The following PHF24 variants were observed in gnomAD, a reference collection of about 807,000 sequenced individuals.
PHF24 encodes Galpha inhibitory interacting protein.
A neutral mutation model predicts 42.6 loss-of-function variants in PHF24; 25 were observed. The observed-to-expected ratio is 0.59, with a 90% confidence interval of 0.43 to 0.82. The LOEUF (loss-of-function observed/expected upper bound fraction) is 0.82. PHF24 is among the 40% of genes least tolerant of loss of function. The pLI is 0.00. For missense variants in PHF24, 470 were observed against 538.1 expected (o/e 0.87, Z 1.25); for synonymous variants, 185 against 204.8 (o/e 0.90, Z 0.83).
the PHF24 span, among the ~76,000 whole-genome samples, chr9:34,936,867 G>A: frequency 3.4e-5 from 5 of 149,148 alleles, no homozygotes; most frequent in Admixed American, 2.0e-4. Flanking sequence ...GAGCCCCTCC[G>A]CCCGGCAGCC....
the PHF24 span, chr9:34,723,434 G>C: frequency 1.3e-6 from 2 of 1,551,606 alleles, no homozygotes; most frequent in Admixed American, 3.9e-5. Flanking sequence ...GCACCCTGTC[G>C]GCTTCTCCGT....
chr9:34,913,805 C>A, the PHF24 span, among the ~76,000 whole-genome samples: 1 of 152,198 alleles, frequency 6.6e-6, no homozygotes, highest in East Asian at 1.9e-4. Flanking sequence ...CACTACGGTA[C>A]ACTCACTCTT....
chr9:34,709,400 C>T, the PHF24 span: 1 of 1,608,154 alleles, frequency 6.2e-7, no homozygotes, highest in Non-Finnish European at 8.5e-7. Flanking sequence ...TGGGCTATGG[C>T]CCTTTAGGGG....
chr9:34,958,688 A>G lies in PHF24; in HGVS notation c.-5+287A>G, dbSNP rs1826481227. Among the ~76,000 whole-genome samples the G allele has an allele frequency of 1.3e-5, 2 of 152,120 alleles. No homozygotes were observed. Among genetic ancestry groups the G allele is most frequent in the Non-Finnish European group, 2.9e-5 (2 of 68,012 alleles). ...CCCCAGCGTGGAGGGGACTGGCCCC[A>G]GAGAGCCCTTCTGTGTCACTGTGGG... On this transcript the variant is annotated intron_variant, in intron 1 of 7. Coordinates refer to ENST00000242315, the Ensembl canonical transcript of PHF24. This position sits in a 1 kb window ranked among gnomAD's most constrained non-coding sequence, Gnocchi z 4.5.
the PHF24 span, among the ~76,000 whole-genome samples, chr9:34,824,907 A>G: frequency 6.6e-6 from 1 of 152,138 alleles, no homozygotes; most frequent in Non-Finnish European, 1.5e-5. Flanking sequence ...CACAGTCACT[A>G]GTATTACCTG....
chr9:34,962,736 A>G (rs1486297853), intron 1 of PHF24, among the ~76,000 whole-genome samples: 3 of 152,244 alleles, frequency 2.0e-5, no homozygotes, highest in South Asian at 2.1e-4. Context: ...TCACCAGCCA[A>G]TCACTGATGG....
At chr9:34,775,611 A>G in the PHF24 span, among the ~76,000 whole-genome samples, 2 of 152,226 alleles carry the variant, frequency 1.3e-5, no homozygotes, top group Admixed American at 6.5e-5. Context: ...AAACTGTACT[A>G]TCTTCTCATT....
chr9:34,934,522 A>C, the PHF24 span, among the ~76,000 whole-genome samples: 1 of 149,222 alleles, frequency 6.7e-6, no homozygotes, highest in Admixed American at 6.7e-5. Context: ...CCTCCTGTGT[A>C]CCCCCAGCCC....
At chr9:34,670,377 C>T in the PHF24 span, among the ~76,000 whole-genome samples, 14 of 152,140 alleles carry the variant, frequency 9.2e-5, no homozygotes, top group Admixed American at 8.5e-4. Flanking sequence ...TTGTTGGGGA[C>T]CTTTCCCTTA....
intron 1 of PHF24, among the ~76,000 whole-genome samples, chr9:34,963,306 T>A (rs1057012977): frequency 6.6e-6 from 1 of 151,118 alleles, no homozygotes; most frequent in Non-Finnish European, 1.5e-5. Context: ...GATGCTGATG[T>A]TCACAGTAAG....
At chr9:34,773,459 A>C in the PHF24 span, among the ~76,000 whole-genome samples, 1 of 152,218 alleles carries the variant, frequency 6.6e-6, no homozygotes, top group Non-Finnish European at 1.5e-5. Context: ...ATGTCAAAGG[A>C]ATTCAGAAGT....
chr9:34,809,275 A>G, the PHF24 span, among the ~76,000 whole-genome samples: 1 of 152,290 alleles, frequency 6.6e-6, no homozygotes, highest in Non-Finnish European at 1.5e-5. The surrounding 1 kb of genome is among the most constrained non-coding windows in gnomAD (Gnocchi z 4.1). Flanking sequence ...AATTTAAATA[A>G]GGTCTTCAGC....
chr9:34,847,228 A>C, the PHF24 span, among the ~76,000 whole-genome samples: 7 of 152,234 alleles, frequency 4.6e-5, no homozygotes, highest in African/African-American at 1.7e-4. Context: ...CTTCCTACCC[A>C]TGAACATGGA....
At chr9:34,886,157 G>A in the PHF24 span, among the ~76,000 whole-genome samples, 4 of 150,362 alleles carry the variant, frequency 2.7e-5, no homozygotes, top group South Asian at 2.1e-4. Context: ...ACACCACAGC[G>A]TTCTTCCAGA....
chr9:34,976,236 G>A lies in PHF24; in HGVS notation c.643+6G>A. On this transcript the variant is annotated splice_donor_region_variant and intron_variant, in intron 4 of 7. Transcript: ENST00000242315. ...GCGGTGTAAAGTCATCCCTGGTAAG[G>A]TTGGGTGGTGCTGCATGGATGGAGA... 1 of 1,612,650 alleles carries A rather than the reference G, an allele frequency of 6.2e-7. No homozygotes were observed. The highest frequency in any genetic ancestry group is 8.5e-7 in the Non-Finnish European group (1 of 1,178,636).
the PHF24 span, among the ~76,000 whole-genome samples, chr9:34,697,398 C>A: frequency 6.6e-6 from 1 of 152,170 alleles, no homozygotes; most frequent in Non-Finnish European, 1.5e-5. Context: ...CTGCTCACTG[C>A]AACCTCCACC....
chr9:34,912,630 T>C, the PHF24 span, among the ~76,000 whole-genome samples: 9 of 152,140 alleles, frequency 5.9e-5, no homozygotes, highest in African/African-American at 1.9e-4. Context: ...CCAAACAGCA[T>C]AGCAAATACT....
At chr9:34,879,862 A>G in the PHF24 span, among the ~76,000 whole-genome samples, 12 of 152,222 alleles carry the variant, frequency 7.9e-5, no homozygotes, top group Admixed American at 7.8e-4. Flanking sequence ...CCACAAAGAT[A>G]CTCCTCGAGA....
At chr9:34,703,179 A>AT in the PHF24 span, among the ~76,000 whole-genome samples, 36 of 150,374 alleles carry the variant, frequency 2.4e-4, no homozygotes, top group Non-Finnish European at 3.3e-4. Context: ...CCATAATTTA[A>AT]ATTTTTTTTT....
Sources: allele counts gnomAD v4.1 joint callset (sites outside exome capture counted in the v4.1 genomes callset), GRCh38; gene constraint gnomAD v4.1.1; non-coding constraint Gnocchi (gnomAD v3.1); transcripts MANE v1.5; gene names NCBI Gene and HGNC (gene_info 2026-07-23, HGNC 2026-07-21).